LOC400499: variants seen among roughly 807,000 people sequenced by gnomAD.
chr16:11,464,312 G>A, the LOC400499 span, among the ~76,000 whole-genome samples: 1 of 152,240 alleles, frequency 6.6e-6, no homozygotes, highest in East Asian at 1.9e-4. Context: ...TCGAGCGATG[G>A]CTTTCTCCAG....
At chr16:11,470,941 G>A in the LOC400499 span, among the ~76,000 whole-genome samples, 3 of 152,234 alleles carry the variant, frequency 2.0e-5, no homozygotes, top group African/African-American at 7.2e-5. Context: ...GGGCAGGCAT[G>A]TGTGTGGCCT....
the LOC400499 span, among the ~76,000 whole-genome samples, chr16:11,517,170 T>C: frequency 2.0e-5 from 3 of 152,214 alleles, no homozygotes; most frequent in African/African-American, 7.2e-5. Context: ...TATCCCACAC[T>C]AGCACATCTC....
At chr16:11,516,564 T>A in the LOC400499 span, among the ~76,000 whole-genome samples, 1 of 152,174 alleles carries the variant, frequency 6.6e-6, no homozygotes, top group Non-Finnish European at 1.5e-5. Flanking sequence ...TGTCAAAGAA[T>A]AAAAGGCTGA....
the LOC400499 span, chr16:11,398,303 G>C: frequency 8.1e-7 from 1 of 1,230,406 alleles, no homozygotes; most frequent in East Asian, 3.2e-5. Context: ...CCCTCACCAT[G>C]GGTCCCTGGT....
the LOC400499 span, among the ~76,000 whole-genome samples, chr16:11,512,896 G>A: frequency 1.5e-3 from 225 of 152,312 alleles, 1 homozygote; most frequent in African/African-American, 5.1e-3. Flanking sequence ...ATCCCATGGT[G>A]CAGAGCGAAG....
chr16:11,372,625 T>A, the LOC400499 span: 1 of 506,074 alleles, frequency 2.0e-6, no homozygotes, highest in Non-Finnish European at 2.6e-6. Context: ...CATTCCATGC[T>A]GGTTATTCTG....
chr16:11,492,097 G>A, the LOC400499 span, among the ~76,000 whole-genome samples: 1 of 152,242 alleles, frequency 6.6e-6, no homozygotes, highest in East Asian at 1.9e-4. Context: ...CAACAAATGG[G>A]CATGGCTACG....
the LOC400499 span, among the ~76,000 whole-genome samples, chr16:11,505,290 T>A: frequency 6.6e-6 from 1 of 152,102 alleles, no homozygotes; most frequent in Non-Finnish European, 1.5e-5. Flanking sequence ...CGTCATGTCA[T>A]ATTTCCACCA....
the LOC400499 span, among the ~76,000 whole-genome samples, chr16:11,502,937 T>TTTTTAA: frequency 2.9e-3 from 423 of 146,294 alleles, 2 homozygotes; most frequent in African/African-American, 0.011. Context: ...TTTTTTTTTT[T>TTTTTAA]AAGAGACAGG....
At chr16:11,407,970 G>GTTTTTT in the LOC400499 span, among the ~76,000 whole-genome samples, 1 of 63,456 alleles carries the variant, frequency 1.6e-5, no homozygotes, top group Non-Finnish European at 2.8e-5. Context: ...TTCCAGAGCT[G>GTTTTTT]TTTTTTTTTT....
the LOC400499 span, among the ~76,000 whole-genome samples, chr16:11,383,353 CACCGTGCCCA>C: frequency 6.6e-6 from 1 of 152,184 alleles, no homozygotes; most frequent in African/African-American, 2.4e-5. Context: ...AGGCGTGAGC[CACCGTGCCCA>C]GCCTTGCCAG....
chr16:11,382,754 G>A, the LOC400499 span, among the ~76,000 whole-genome samples: 2 of 152,130 alleles, frequency 1.3e-5, no homozygotes, highest in Non-Finnish European at 1.5e-5. Flanking sequence ...AAGTTGCAGT[G>A]AGCCGAGATT....
At chr16:11,447,042 A>AACATCAGG in the LOC400499 span, 1 of 1,095,134 alleles carries the variant, frequency 9.1e-7, no homozygotes, top group Non-Finnish European at 1.3e-6. Flanking sequence ...CAGAGAAGAG[A>AACATCAGG]ACATCAGGAC....
At chr16:11,484,066 G>T in the LOC400499 span, among the ~76,000 whole-genome samples, 1 of 143,058 alleles carries the variant, frequency 7.0e-6, no homozygotes, top group East Asian at 2.1e-4. Context: ...GGAGTGCAGT[G>T]GCGTGATTTC....
the LOC400499 span, among the ~76,000 whole-genome samples, chr16:11,389,556 G>A: frequency 1.3e-5 from 2 of 151,824 alleles, no homozygotes; most frequent in Non-Finnish European, 2.9e-5. Flanking sequence ...GATGGCACGC[G>A]CACCTGTAGT....
At chr16:11,484,061 G>T in the LOC400499 span, among the ~76,000 whole-genome samples, 1 of 129,226 alleles carries the variant, frequency 7.7e-6, no homozygotes, top group Non-Finnish European at 1.6e-5. Flanking sequence ...AGGCTGGAGT[G>T]CAGTGGCGTG....
At chr16:11,467,381 G>C in the LOC400499 span, 1 of 151,950 alleles carries the variant, frequency 6.6e-6, no homozygotes, top group African/African-American at 2.4e-5. Flanking sequence ...AGGCCAAGGT[G>C]GGCAGACTGT....
At chr16:11,452,832 A>G in the LOC400499 span, among the ~76,000 whole-genome samples, 1 of 152,128 alleles carries the variant, frequency 6.6e-6, no homozygotes, top group Non-Finnish European at 1.5e-5. Context: ...GCCATTCCTG[A>G]TTCTTCTTCC....
the LOC400499 span, among the ~76,000 whole-genome samples, chr16:11,383,268 C>T: frequency 0.026 from 3,933 of 152,186 alleles, 173 homozygotes; most frequent in African/African-American, 0.089. Context: ...GGGGTTTCAC[C>T]GTGTTAGCCA....
Sources: gnomAD v4.1 joint callset for allele counts (sites outside exome capture counted in the v4.1 genomes callset) on GRCh38, gnomAD v4.1.1 for gene constraint, MANE v1.5 for transcripts.